Variants in GSK3B observed in about 807,000 individuals in gnomAD.
GSK3B encodes glycogen synthase kinase-3 beta.
Under a neutral mutation model 56.4 loss-of-function variants are expected in GSK3B, and 15 were observed. The observed-to-expected ratio is 0.27, with a 90% CI of 0.18 to 0.41. The LOEUF is 0.41. Ranked by LOEUF, GSK3B falls within the 10% of genes least tolerant of loss-of-function variation. GSK3B has a pLI of 1.00. For missense variants in GSK3B, 300 were observed against 513.4 expected (o/e 0.58, Z 4.02); for synonymous variants, 181 against 188.9 (o/e 0.96, Z 0.34).
chr3:120,066,950 T>G (rs754672066), intron 1 of GSK3B, among the ~76,000 whole-genome samples: 1 of 152,084 alleles, frequency 6.6e-6, no homozygotes, highest in Non-Finnish European at 1.5e-5. Flanking sequence ...TGGGCGACAC[T>G]GGAAGAAGTA....
chr3:120,049,791 G>A (rs1204412231), intron 1 of GSK3B, among the ~76,000 whole-genome samples: 1 of 152,120 alleles, frequency 6.6e-6, no homozygotes, highest in East Asian at 1.9e-4. Flanking sequence ...TTCTGTAAAA[G>A]GCCCGACAGT....
At chr3:119,844,610 C>T (rs1231084536) in intron 9 of GSK3B, among the ~76,000 whole-genome samples, 1 of 152,162 alleles carries the variant, frequency 6.6e-6, no homozygotes, top group East Asian at 1.9e-4. Context: ...GACACATACA[C>T]CCTCCCAAGA....
intron 1 of GSK3B, among the ~76,000 whole-genome samples, chr3:120,092,901 C>G (rs1455111255): frequency 6.6e-6 from 1 of 152,226 alleles, no homozygotes; most frequent in Non-Finnish European, 1.5e-5. Flanking sequence ...GTATATCAAA[C>G]TATGATAACC....
At chr3:119,831,414 T>C (rs1012528977) in intron 10 of GSK3B, among the ~76,000 whole-genome samples, 4 of 152,016 alleles carry the variant, frequency 2.6e-5, no homozygotes, top group Non-Finnish European at 5.9e-5. Context: ...TCCCAGCACT[T>C]TGGGAGGCCG....
intron 9 of GSK3B, among the ~76,000 whole-genome samples, chr3:119,860,904 G>A (rs764609842): frequency 2.0e-5 from 3 of 152,160 alleles, no homozygotes; most frequent in Non-Finnish European, 4.4e-5. Flanking sequence ...TTTGTTATGA[G>A]GATGGAGGAG....
At chr3:119,953,989 T>C (rs1302593730) in intron 2 of GSK3B, among the ~76,000 whole-genome samples, 1 of 152,106 alleles carries the variant, frequency 6.6e-6, no homozygotes, top group Admixed American at 6.6e-5. Flanking sequence ...TCAGATATTA[T>C]AGTCACTATA....
chr3:120,053,506 G>A (rs531773056), intron 1 of GSK3B, among the ~76,000 whole-genome samples: 3 of 152,172 alleles, frequency 2.0e-5, no homozygotes, highest in African/African-American at 7.2e-5. Flanking sequence ...TGTAGTAATA[G>A]GGACTACTAT....
At chr3:119,843,097 T>C (rs930912061) in intron 10 of GSK3B, among the ~76,000 whole-genome samples, 158 bp downstream of exon 10, 4 of 152,028 alleles carry the variant, frequency 2.6e-5, no homozygotes, top group Non-Finnish European at 5.9e-5. Flanking sequence ...TTATTTTTAG[T>C]AGAGACAAGG....
chr3:119,880,236 C>T (rs2056365181), intron 7 of GSK3B, among the ~76,000 whole-genome samples: 3 of 152,294 alleles, frequency 2.0e-5, no homozygotes, highest in East Asian at 1.9e-4. Flanking sequence ...TTGAGCACCT[C>T]TCATATACCT....
chr3:120,029,302 A>G (rs1334367856), intron 1 of GSK3B: 1 of 742,940 alleles, frequency 1.3e-6, no homozygotes, highest in Non-Finnish European at 2.5e-6. Flanking sequence ...CCTTCTCTGC[A>G]GCGGACAATG....
At chr3:119,965,308 C>T (rs1361554553) in intron 2 of GSK3B, among the ~76,000 whole-genome samples, 1 of 151,390 alleles carries the variant, frequency 6.6e-6, no homozygotes, top group African/African-American at 2.4e-5. Flanking sequence ...AAATGATCCA[C>T]CTGCCTCAGC....
intron 1 of GSK3B, among the ~76,000 whole-genome samples, chr3:120,012,276 GA>G (rs1419029321): frequency 2.6e-5 from 4 of 152,162 alleles, no homozygotes; most frequent in Non-Finnish European, 5.9e-5. Flanking sequence ...CTGCTTCCAA[GA>G]GACCAAAATC....
chr3:120,094,031 T>G lies in GSK3B; in HGVS notation c.-597A>C, dbSNP rs928256556. ...AGAGGGCGGCGGAGTCGCGAGTCAG[T>G]CAGAGGCGGGCGGTGGCGGTGGCGG... On this transcript the variant is annotated 5_prime_UTR_variant, in exon 1 of 11. It removes the in-frame stop codon of an upstream open reading frame in the 5' UTR. Transcript: ENST00000264235. The G allele has an allele frequency of 1.4e-4, 31 of 224,844 alleles. No homozygotes were observed. Among genetic ancestry groups the G allele is most frequent in the African/African-American group, 5.7e-4 (25 of 44,128 alleles). 13.9% of individuals were successfully genotyped at this position (224,844 alleles called of 1,614,324 possible).
chr3:119,940,304 T>C (rs76809889), intron 3 of GSK3B, among the ~76,000 whole-genome samples: 2,423 of 151,884 alleles, frequency 0.016, 63 homozygotes, highest in African/African-American at 0.055. Context: ...AACAGCAGAG[T>C]CACCATTCAT....
chr3:119,892,965 T>C (rs966063546), intron 7 of GSK3B, among the ~76,000 whole-genome samples: 1 of 152,140 alleles, frequency 6.6e-6, no homozygotes, highest in Admixed American at 6.6e-5. Flanking sequence ...AGAGGACTGA[T>C]ATGAAATGTC....
At chr3:119,941,432 C>A (rs770446035) in intron 3 of GSK3B, among the ~76,000 whole-genome samples, 32 of 152,226 alleles carry the variant, frequency 2.1e-4, no homozygotes, top group Non-Finnish European at 2.2e-4. Context: ...ATGCTAAACA[C>A]TATAGCATAC....
At chr3:119,954,764 T>C (rs531131350) in intron 2 of GSK3B, among the ~76,000 whole-genome samples, 1 of 152,274 alleles carries the variant, frequency 6.6e-6, no homozygotes, top group South Asian at 2.1e-4. Context: ...TTTTACAATA[T>C]CTGACATCTC....
intron 2 of GSK3B, among the ~76,000 whole-genome samples, chr3:119,977,011 A>G (rs1370543785): frequency 1.3e-5 from 2 of 152,190 alleles, no homozygotes; most frequent in African/African-American, 4.8e-5. Flanking sequence ...CAGAAAGAAG[A>G]AATTCAAGTC....
rs891734411 is a variant in GSK3B at position 119,825,856 on chromosome 3, A to C, written c.*932T>G. 2.3e-5 allele frequency: 5 copies of C among 218,436 alleles called. No individual in the cohort carries two copies. The highest frequency in any genetic ancestry group is 1.1e-4 in the African/African-American group (5 of 44,496). The allele number at this position is 218,436 out of a possible 1,614,324, so 13.5% of individuals were successfully genotyped here. A position where few individuals can be genotyped will look rare whatever the true frequency, so the allele number is the denominator to read the frequency against. On this transcript the variant is annotated 3_prime_UTR_variant, in exon 11 of 11. Coordinates refer to ENST00000264235, the MANE Select transcript of GSK3B (RefSeq NM_001146156.2). ...TAACTTTAGAAAAAAATCTGGACAA[A>C]CTTATTCACAGTGGTGAGATGTATC...
Sources: allele counts gnomAD v4.1 joint callset (sites outside exome capture counted in the v4.1 genomes callset), GRCh38; gene constraint gnomAD v4.1.1; transcripts MANE v1.5; gene names NCBI Gene and HGNC (gene_info 2026-07-23, HGNC 2026-07-21).